Variants in PCOLCE2 observed in about 807,000 individuals in gnomAD.
PCOLCE2 encodes the protein procollagen C-proteinase enhancer 2.
Under a neutral mutation model 47.0 loss-of-function variants are expected in PCOLCE2, and 42 were observed. The ratio of observed to expected loss-of-function variants is 0.89; its 90% confidence interval spans 0.70 to 1.16. The LOEUF is 1.16. Ranked by LOEUF, PCOLCE2 falls within the 50% of genes most tolerant of loss-of-function variation. The pLI is 0.00. For synonymous variants in PCOLCE2, 169 were observed against 191.7 expected, an observed-to-expected ratio of 0.88 and a Z score of 0.98; for missense variants, 500 against 526.1, an observed-to-expected ratio of 0.95 and a Z score of 0.49.
At chr3:142,823,643 C>G (rs200658466) in intron 6 of PCOLCE2, 28 bp from the exon 7 acceptor site, 1 of 1,332,930 alleles carries the variant, frequency 7.5e-7, no homozygotes. Flanking sequence ...ATAAGTTTCA[C>G]GAAAAATGAA....
chr3:142,865,319 G>GT (rs61477507), intron 2 of PCOLCE2, among the ~76,000 whole-genome samples: 2,001 of 148,470 alleles, frequency 0.013, 47 homozygotes, highest in African/African-American at 0.045. Flanking sequence ...TCTTTTGCCT[G>GT]TTTTTTTTTT....
intron 4 of PCOLCE2, among the ~76,000 whole-genome samples, chr3:142,841,542 C>A (rs1273916312): frequency 6.6e-6 from 1 of 151,846 alleles, no homozygotes; most frequent in Non-Finnish European, 1.5e-5. Context: ...GTTTCAGAAA[C>A]ACAATTTTTA....
chr3:142,873,659 G>A (rs922398048), intron 2 of PCOLCE2, among the ~76,000 whole-genome samples: 2 of 152,180 alleles, frequency 1.3e-5, no homozygotes, highest in African/African-American at 2.4e-5. Flanking sequence ...AGTTAATGAT[G>A]TATCTGGAAT....
At chr3:142,862,591 T>A (rs891028423) in intron 2 of PCOLCE2, among the ~76,000 whole-genome samples, 16 of 152,246 alleles carry the variant, frequency 1.1e-4, no homozygotes, top group Admixed American at 9.2e-4. Flanking sequence ...GAGAAGCCAC[T>A]GAGGTGATCT....
At chr3:142,882,805 A>G (rs1438607096) in intron 2 of PCOLCE2, among the ~76,000 whole-genome samples, 4 of 152,198 alleles carry the variant, frequency 2.6e-5, no homozygotes, top group Non-Finnish European at 5.9e-5. Flanking sequence ...CTAAGAACAG[A>G]ATCAATTCCA....
intron 2 of PCOLCE2, among the ~76,000 whole-genome samples, chr3:142,869,133 T>C (rs954501726): frequency 6.6e-6 from 1 of 151,494 alleles, no homozygotes; most frequent in African/African-American, 2.4e-5. Context: ...CTACTAAAAA[T>C]ACAAAAAATT....
intron 2 of PCOLCE2, among the ~76,000 whole-genome samples, chr3:142,879,765 C>T (rs193037292): frequency 2.0e-5 from 3 of 151,992 alleles, no homozygotes; most frequent in Non-Finnish European, 2.9e-5. Context: ...GTCAGGAGAT[C>T]GAGACCATCC....
intron 5 of PCOLCE2, among the ~76,000 whole-genome samples, chr3:142,837,844 G>A (rs561109399): frequency 6.6e-6 from 1 of 152,296 alleles, no homozygotes; most frequent in East Asian, 1.9e-4. Flanking sequence ...AGAACTCTTG[G>A]CTCCATAAAT....
chr3:142,827,721 G>C, intron 6 of PCOLCE2: 1 of 870,230 alleles, frequency 1.1e-6, no homozygotes, highest in Non-Finnish European at 1.9e-6. Context: ...CCCGAGTTGT[G>C]GATGATGGGT....
chr3:142,842,595 C>T lies in PCOLCE2; in HGVS notation c.573+329G>A, dbSNP rs934211624. On this transcript the variant is annotated intron_variant, in intron 4 of 8. Coordinates refer to ENST00000295992, the MANE Select transcript of PCOLCE2 (RefSeq NM_013363.4). The surrounding 1 kb of genome is among the most constrained non-coding windows in gnomAD (Gnocchi z 4.1). ...TCTACTAAAAAAATACAAAATTAGC[C>T]GGGCGTGGTGGCGCGTGCCTGTAAT... 2.6e-5 allele frequency among the ~76,000 whole-genome samples: 4 copies of T among 152,096 alleles called. No homozygotes were observed. In the South Asian group the frequency reaches 8.3e-4, roughly 32 times the overall value.
intron 2 of PCOLCE2, among the ~76,000 whole-genome samples, chr3:142,878,225 G>A (rs991042800): frequency 6.6e-6 from 1 of 152,058 alleles, no homozygotes; most frequent in Non-Finnish European, 1.5e-5. Context: ...TTAGTGGCAG[G>A]GCTTGTGCTT....
At chr3:142,853,407 A>C (rs969440581) in intron 2 of PCOLCE2, among the ~76,000 whole-genome samples, 2 of 152,062 alleles carry the variant, frequency 1.3e-5, no homozygotes, top group Admixed American at 1.3e-4. Flanking sequence ...GGCTCAGCCC[A>C]CTCACTGCAT....
rs550769345 is a variant in PCOLCE2, at chr3:142,857,724, T to C, written c.193-9252A>G. Among the ~76,000 whole-genome samples the C allele has an allele frequency of 5.9e-5, 9 of 152,322 alleles. No individual in the cohort carries two copies. The East Asian group carries it at 9.7e-4, about 16-fold the overall frequency. On this transcript the variant is annotated intron_variant, in intron 2 of 8. Coordinates refer to ENST00000295992, the MANE Select transcript of PCOLCE2 (RefSeq NM_013363.4). Reference sequence around the variant, plus strand: ...GAACATCTAGGCCTCTCCTCTAATGTTTGAAGCTGCCTTGCTGAATCCCAA... The same window carrying C: ...GAACATCTAGGCCTCTCCTCTAATGCTTGAAGCTGCCTTGCTGAATCCCAA...
intron 2 of PCOLCE2, among the ~76,000 whole-genome samples, chr3:142,862,494 A>G (rs6773271): frequency 0.017 from 2,648 of 152,228 alleles, 92 homozygotes; most frequent in African/African-American, 0.061. Flanking sequence ...AAACTTTTCA[A>G]TTCCCTTACT....
chr3:142,819,225 G>A (rs538492958), intron 8 of PCOLCE2, among the ~76,000 whole-genome samples: 1 of 152,328 alleles, frequency 6.6e-6, no homozygotes, highest in South Asian at 2.1e-4. Context: ...GACTGGCTAA[G>A]TTAGGCCTAG....
chr3:142,877,561 G>T (rs1933524555), intron 2 of PCOLCE2, among the ~76,000 whole-genome samples: 1 of 152,184 alleles, frequency 6.6e-6, no homozygotes, highest in East Asian at 1.9e-4. Context: ...TTCATCTACT[G>T]CCTCCTTCAG....
intron 2 of PCOLCE2, among the ~76,000 whole-genome samples, chr3:142,858,047 C>T (rs1933104246): frequency 6.6e-6 from 1 of 152,188 alleles, no homozygotes; most frequent in Non-Finnish European, 1.5e-5. Context: ...ACTTCCACTC[C>T]AATTTCAAAG....
chr3:142,867,264 C>T (rs1281064941), intron 2 of PCOLCE2, among the ~76,000 whole-genome samples: 2 of 152,154 alleles, frequency 1.3e-5, no homozygotes, highest in Admixed American at 1.3e-4. Flanking sequence ...ACGAGTGTGT[C>T]CATGTTGCTA....
In PCOLCE2 at chr3:142,818,258, A is replaced by AT. The variant is rs918444729; in HGVS notation, c.*76dup. 2,067 of 1,270,606 alleles carry AT rather than the reference A, an allele frequency of 1.6e-3. No individual in the cohort carries two copies. Among genetic ancestry groups the AT allele is most frequent in the Non-Finnish European group, 1.9e-3 (1,711 of 896,022 alleles). The allele number at this position is 1,270,606 out of a possible 1,614,324, so 78.7% of individuals were successfully genotyped here. A position where few individuals can be genotyped will look rare whatever the true frequency, so the allele number is the denominator to read the frequency against. The stretch of plus-strand genomic sequence containing the variant: ...TTTCAGAATATGTAATTTTATAAGT[A>AT]TTTTTTTTTCTACTGAGAGAACATA... On this transcript the variant is annotated 3_prime_UTR_variant, in exon 9 of 9. Coordinates refer to ENST00000295992, the MANE Select transcript of PCOLCE2 (RefSeq NM_013363.4).
Sources: gnomAD v4.1 joint callset for allele counts (sites outside exome capture counted in the v4.1 genomes callset) on GRCh38, gnomAD v4.1.1 for gene constraint, Gnocchi (gnomAD v3.1) non-coding constraint, MANE v1.5 for transcripts, NCBI Gene and HGNC (gene_info 2026-07-23, HGNC 2026-07-21) for gene names.